Variants in AFF1 observed in about 807,000 individuals in gnomAD.
The protein encoded by AFF1 is ALF transcription elongation factor 1, also known as AF4/FMR2 family member 1.
In AFF1, 48 loss-of-function variants were observed where a neutral mutation model predicts 121.7. The ratio of observed to expected loss-of-function variants is 0.39; its 90% CI spans 0.31 to 0.50. AFF1 has a LOEUF of 0.50. Ranked by LOEUF, AFF1 falls within the 20% of genes least tolerant of loss-of-function variation. The pLI is 0.76. For missense variants in AFF1, 1,523 were observed against 1,511.7 expected (o/e 1.01, Z -0.12); for synonymous variants, 613 against 563.0 (o/e 1.09, Z -1.26).
intron 2 of AFF1, chr4:86,973,949 T>A (rs1246022998): frequency 6.6e-6 from 1 of 152,176 alleles, no homozygotes; most frequent in Non-Finnish European, 1.5e-5. Context: ...ACCTGGCAGA[T>A]AAGCACACAG....
intron 12 of AFF1, among the ~76,000 whole-genome samples, chr4:87,115,698 C>T (rs1032862312): frequency 6.8e-6 from 1 of 147,784 alleles, no homozygotes; most frequent in Non-Finnish European, 1.5e-5. Context: ...CAGCCCCTAC[C>T]TCTGGGGTGA....
At chr4:86,983,743 T>C (rs915018170) in intron 2 of AFF1, among the ~76,000 whole-genome samples, 13 of 142,614 alleles carry the variant, frequency 9.1e-5, no homozygotes, top group Admixed American at 6.5e-4. Context: ...AAAAAACAAA[T>C]AAAATACTTT....
chr4:87,058,354 A>C (rs1292505600), intron 4 of AFF1, among the ~76,000 whole-genome samples: 1 of 152,126 alleles, frequency 6.6e-6, no homozygotes, highest in Non-Finnish European at 1.5e-5. Flanking sequence ...GAGTCATGCA[A>C]ATATAGGGTG....
intron 2 of AFF1, among the ~76,000 whole-genome samples, chr4:87,000,643 CAG>C (rs1457155025): frequency 1.5e-5 from 1 of 65,788 alleles, no homozygotes; most frequent in Non-Finnish European, 4.0e-5. Flanking sequence ...GTGTGTGTGG[CAG>C]AGGAAGTGGG....
rs765302175 is a variant in AFF1 at position 87,139,969 on chromosome 4, G to A, written c.*4268G>A. On this transcript the variant is annotated 3_prime_UTR_variant, in exon 21 of 21. Transcript: ENST00000395146. ...GTGGCTATAAATTTCTTACTGTCAG[G>A]AGGAAATGACATTATATTCTGTTCC... The A allele has an allele frequency of 4.7e-6, 1 of 212,128 alleles. No homozygotes were observed. Among genetic ancestry groups the A allele is most frequent in the African/African-American group, 2.3e-5 (1 of 44,070 alleles). 13.1% of individuals were successfully genotyped at this position (212,128 alleles called of 1,614,324 possible). A position where few individuals can be genotyped will look rare whatever the true frequency, so the allele number is the denominator to read the frequency against.
At chr4:87,098,983 T>A (rs1259111441) in intron 8 of AFF1, among the ~76,000 whole-genome samples, 1 of 152,250 alleles carries the variant, frequency 6.6e-6, no homozygotes, top group Non-Finnish European at 1.5e-5. Context: ...AGACTCATTC[T>A]GTTTATTGTA....
chr4:87,057,399 T>C (rs1720261339), intron 4 of AFF1, among the ~76,000 whole-genome samples: 1 of 152,260 alleles, frequency 6.6e-6, no homozygotes, highest in African/African-American at 2.4e-5. Flanking sequence ...CTTGGGCTTA[T>C]AATTCTGTAA....
intron 4 of AFF1, among the ~76,000 whole-genome samples, chr4:87,065,926 C>CT (rs1721306727): frequency 6.6e-6 from 1 of 152,136 alleles, no homozygotes; most frequent in African/African-American, 2.4e-5. Context: ...TTTTAGAAGG[C>CT]TTTTATGATG....
intron 10 of AFF1, 84 bp downstream of exon 10, chr4:87,105,929 T>C: frequency 4.0e-6 from 6 of 1,517,714 alleles, no homozygotes; most frequent in Non-Finnish European, 4.6e-6. Flanking sequence ...TTTAGTACTT[T>C]CACATTTTTT....
chr4:86,945,497 A>T (rs1436464012), intron 1 of AFF1, among the ~76,000 whole-genome samples: 43 of 86,636 alleles, frequency 5.0e-4, no homozygotes, highest in South Asian at 1.3e-3. Flanking sequence ...GCCTTTCCCA[A>T]TTTTTTTTTT....
chr4:86,969,068 C>T (rs949297536), intron 2 of AFF1, among the ~76,000 whole-genome samples: 5 of 152,204 alleles, frequency 3.3e-5, no homozygotes, highest in African/African-American at 7.2e-5. Flanking sequence ...CTCCACGGAG[C>T]GCCTCCTTGT....
At chr4:86,998,442 G>A (rs1030670348) in intron 2 of AFF1, among the ~76,000 whole-genome samples, 5 of 152,214 alleles carry the variant, frequency 3.3e-5, no homozygotes, top group Non-Finnish European at 5.9e-5. Flanking sequence ...AAAAACAGGT[G>A]TGTGTTCATT....
At chr4:87,027,960 A>G (rs1024681480) in intron 2 of AFF1, among the ~76,000 whole-genome samples, 2 of 151,860 alleles carry the variant, frequency 1.3e-5, no homozygotes, top group African/African-American at 2.4e-5. Flanking sequence ...AGGCCTGGCT[A>G]CAAAATCTGA....
In AFF1 at chr4:87,138,708, G is replaced by A. The variant is rs1729494552; in HGVS notation, c.*3007G>A. Reference sequence around the variant, plus strand: ...CACCTAGTAGCAGTGGTGAGGAGTGGGAGGGCCCAGCAAGCATTTATCAGA... The same window carrying A: ...CACCTAGTAGCAGTGGTGAGGAGTGAGAGGGCCCAGCAAGCATTTATCAGA... On this transcript the variant is annotated 3_prime_UTR_variant, in exon 21 of 21. Coordinates refer to ENST00000395146, the MANE Select transcript of AFF1 (RefSeq NM_001166693.3). 4.3e-6 allele frequency: 1 copy of A among 231,406 alleles called. No homozygotes were observed. Among genetic ancestry groups the A allele is most frequent in the Non-Finnish European group, 8.5e-6 (1 of 117,030 alleles). The allele number at this position is 231,406 out of a possible 1,614,324, so 14.3% of individuals were successfully genotyped here.
At position 86,937,616 on chromosome 4, in the gene AFF1, CTG is replaced by C. The variant is rs543859679; in HGVS notation, c.-37+2378_-37+2379del. On this transcript the variant is annotated intron_variant, in intron 1 of 20. Transcript: ENST00000395146. ...TTTATTTTTGAGACAGGTTCTCACTCTGTCACTTAGGCTGGAGTGCGGTGGCA... is the reference window on the plus strand; with the variant it reads ...TTTATTTTTGAGACAGGTTCTCACTCTCACTTAGGCTGGAGTGCGGTGGCA... 2.0e-4 allele frequency among the ~76,000 whole-genome samples: 30 copies of C among 152,320 alleles called. No homozygotes were observed. In the East Asian group the frequency reaches 5.8e-3, roughly 29 times the overall value.
At chr4:87,015,196 G>A (rs1479406306) in intron 2 of AFF1, among the ~76,000 whole-genome samples, 1 of 152,142 alleles carries the variant, frequency 6.6e-6, no homozygotes, top group Non-Finnish European at 1.5e-5. Flanking sequence ...AGCAATTACA[G>A]CTATAGGAAT....
chr4:87,061,006 A>G (rs935817575), intron 4 of AFF1, among the ~76,000 whole-genome samples: 1 of 152,128 alleles, frequency 6.6e-6, no homozygotes, highest in African/African-American at 2.4e-5. Flanking sequence ...TCTCCCTTAT[A>G]TTCGCTCAGG....
intron 2 of AFF1, among the ~76,000 whole-genome samples, chr4:86,967,175 C>G (rs968523422): frequency 2.6e-5 from 4 of 152,112 alleles, no homozygotes; most frequent in African/African-American, 4.8e-5. Context: ...GATTTGAGGA[C>G]TAATCAGAGA....
chr4:87,066,913 A>G (rs1721415462), intron 4 of AFF1, among the ~76,000 whole-genome samples: 1 of 152,230 alleles, frequency 6.6e-6, no homozygotes, highest in African/African-American at 2.4e-5. Context: ...AGAATTTATT[A>G]GAAACATACT....
Sources: gnomAD v4.1 joint callset for allele counts (sites outside exome capture counted in the v4.1 genomes callset) on GRCh38, gnomAD v4.1.1 for gene constraint, MANE v1.5 for transcripts, NCBI Gene and HGNC (gene_info 2026-07-23, HGNC 2026-07-21) for gene names.